Variants in SLC8A2 observed in about 807,000 individuals in gnomAD.
SLC8A2 encodes sodium/calcium exchanger 2.
A neutral mutation model predicts 70.2 loss-of-function variants in SLC8A2; 14 were observed. The observed-to-expected ratio is 0.20, with a 90% CI of 0.13 to 0.31. SLC8A2 has a LOEUF of 0.31. Among genes scored for constraint, SLC8A2 ranks in the 10% least tolerant of loss-of-function variants. SLC8A2 has a pLI of 1.00. For synonymous variants in SLC8A2, 575 were observed against 594.3 expected (o/e 0.97, Z 0.47); for missense variants, 779 against 1,320.1 (o/e 0.59, Z 6.35).
intron 4 of SLC8A2, among the ~76,000 whole-genome samples, chr19:47,446,183 G>T (rs747583156): frequency 3.9e-5 from 6 of 151,968 alleles, no homozygotes; most frequent in Non-Finnish European, 8.8e-5. Context: ...GACTCCGCTT[G>T]AGTAGGAGGC....
At position 47,448,840 on chromosome 19, in the gene SLC8A2, T is replaced by C. The variant is rs1374696140; in HGVS notation, c.1341-609A>G. ...CTTCCCAGATGCCCCCAAGAGGAAG[T>C]CCATACACCTTAACTTGGCATCACT... is the stretch of plus-strand genomic sequence containing the variant. On this transcript the variant is annotated intron_variant, in intron 3 of 9. Transcript: ENST00000236877. The surrounding 1 kb of genome is among the most constrained non-coding windows in gnomAD (Gnocchi z 4.8). Among the ~76,000 whole-genome samples, 1 of 152,078 alleles carries C rather than the reference T, an allele frequency of 6.6e-6. No homozygotes were observed. The highest frequency in any genetic ancestry group is 1.5e-5 in the Non-Finnish European group (1 of 68,030).
intron 4 of SLC8A2, among the ~76,000 whole-genome samples, chr19:47,445,315 G>C (rs761108334): frequency 6.6e-6 from 1 of 152,112 alleles, no homozygotes; most frequent in African/African-American, 2.4e-5. Context: ...CATCATATTG[G>C]TCAGGCTGGT....
intron 2 of SLC8A2, among the ~76,000 whole-genome samples, chr19:47,457,916 A>AAACCTTG (rs1414202326): frequency 1.1e-4 from 16 of 150,896 alleles, no homozygotes; most frequent in African/African-American, 3.7e-4. Context: ...TCGGCTCACT[A>AAACCTTG]AACCTTGAAC....
chr19:47,451,607 C>T (rs1330151827), intron 3 of SLC8A2, among the ~76,000 whole-genome samples: 1 of 152,254 alleles, frequency 6.6e-6, no homozygotes. Context: ...CTGCATACAT[C>T]CTGTAGCATC....
At chr19:47,460,616 G>C (rs1180904549) in intron 2 of SLC8A2, among the ~76,000 whole-genome samples, 1 of 151,886 alleles carries the variant, frequency 6.6e-6, no homozygotes, top group Non-Finnish European at 1.5e-5. Flanking sequence ...AGAATTGCTT[G>C]AGCCCAGGAG....
In SLC8A2 at chr19:47,448,915, G is replaced by A. The variant is rs963722831; in HGVS notation, c.1341-684C>T. Reference sequence around the variant, plus strand: ...GGGCACCCGTTGTGTGCCTTGTGCCGAGTGGTGCTGGGGACACAGCAGTAA... The same window carrying A: ...GGGCACCCGTTGTGTGCCTTGTGCCAAGTGGTGCTGGGGACACAGCAGTAA... On this transcript the variant is annotated intron_variant, in intron 3 of 9. Coordinates refer to ENST00000236877, the MANE Select transcript of SLC8A2 (RefSeq NM_015063.3). The surrounding 1 kb of genome is among the most constrained non-coding windows in gnomAD (Gnocchi z 4.8). 3.3e-5 allele frequency among the ~76,000 whole-genome samples: 5 copies of A among 152,262 alleles called. No individual in the cohort carries two copies. Among genetic ancestry groups the A allele is most frequent in the African/African-American group, 4.8e-5 (2 of 41,550 alleles).
chr19:47,431,657 CAAA>C (rs774813485), intron 9 of SLC8A2, among the ~76,000 whole-genome samples: 7 of 47,282 alleles, frequency 1.5e-4, no homozygotes, highest in South Asian at 1.0e-3. Flanking sequence ...GTCCCCACAC[CAAA>C]AAAAAAAAAA....
At position 47,432,606 on chromosome 19, in the gene SLC8A2, T is replaced by C; in HGVS notation, c.2111-161A>G. The C allele has an allele frequency of 1.6e-6, 1 of 623,748 alleles. No homozygotes were observed. The highest frequency in any genetic ancestry group is 2.6e-6 in the Non-Finnish European group (1 of 380,464). 38.6% of individuals were successfully genotyped at this position (623,748 alleles called of 1,614,324 possible). ...GGCCAAGTCAACTGCTAAAAACAGT[T>C]ACTTTCCCAGAATCCCTTGAAGCTA... is the stretch of plus-strand genomic sequence containing the variant. On this transcript the variant is annotated intron_variant, in intron 8 of 9. Transcript: ENST00000236877. The surrounding 1 kb of genome is among the most constrained non-coding windows in gnomAD (Gnocchi z 6.2).
chr19:47,433,541 G>C (rs1966989243), intron 8 of SLC8A2, among the ~76,000 whole-genome samples: 1 of 152,232 alleles, frequency 6.6e-6, no homozygotes, highest in Non-Finnish European at 1.5e-5. Flanking sequence ...TGGCTTTCCT[G>C]ATGTGGGCAT....
Position 47,429,772 on chromosome 19 carries a change from T to G in SLC8A2, c.*317A>C. On this transcript the variant is annotated 3_prime_UTR_variant, in exon 10 of 10. Coordinates refer to ENST00000236877, the MANE Select transcript of SLC8A2 (RefSeq NM_015063.3). ...AGAGACCTTAAACTCCCCAGGATGGTTACTGGGGGTGGTTCCCTGGGGAGG... is the reference window on the plus strand; with the variant it reads ...AGAGACCTTAAACTCCCCAGGATGGGTACTGGGGGTGGTTCCCTGGGGAGG... The G allele has an allele frequency of 2.4e-6, 1 of 410,792 alleles. No homozygotes were observed. 25.4% of individuals were successfully genotyped at this position (410,792 alleles called of 1,614,324 possible).
intron 3 of SLC8A2, among the ~76,000 whole-genome samples, chr19:47,450,586 G>A (rs557993187): frequency 2.6e-5 from 4 of 152,220 alleles, no homozygotes; most frequent in South Asian, 2.1e-4. Context: ...GAGAGGGACC[G>A]CAAGGTTCTG....
intron 3 of SLC8A2, among the ~76,000 whole-genome samples, chr19:47,456,581 G>A (rs1967305772): frequency 6.6e-6 from 1 of 152,140 alleles, no homozygotes; most frequent in African/African-American, 2.4e-5. Flanking sequence ...CACGAGAATC[G>A]CTTGAACCTG....
Position 47,447,606 on chromosome 19 carries a change from G to T in SLC8A2, c.1763+203C>A. On this transcript the variant is annotated intron_variant, in intron 4 of 9. Coordinates refer to ENST00000236877, the MANE Select transcript of SLC8A2 (RefSeq NM_015063.3). The surrounding 1 kb of genome is among the most constrained non-coding windows in gnomAD (Gnocchi z 5.1). Reference sequence around the variant, plus strand: ...CCTCCTGAGGGCCCAGCTGTTCAGTGAAGCCCCGCCCACGTCGTGGGCATG... The same window carrying T: ...CCTCCTGAGGGCCCAGCTGTTCAGTTAAGCCCCGCCCACGTCGTGGGCATG... 9.3e-6 allele frequency: 5 copies of T among 538,536 alleles called. No individual in the cohort carries two copies. The highest frequency in any genetic ancestry group is 1.6e-5 in the Non-Finnish European group (5 of 313,070). The allele number at this position is 538,536 out of a possible 1,614,324, so 33.4% of individuals were successfully genotyped here.
Position 47,466,587 on chromosome 19 carries a change from C to CAG in SLC8A2, c.-16-170_-16-169dup, listed in dbSNP as rs10611886. Among the ~76,000 whole-genome samples the CAG allele has an allele frequency of 3.4e-3, 516 of 151,114 alleles. 4 individuals carry two copies. Among genetic ancestry groups the CAG allele is most frequent in the African/African-American group, 0.012 (490 of 41,170 alleles). On this transcript the variant is annotated intron_variant, in intron 1 of 9. Coordinates refer to ENST00000236877, the MANE Select transcript of SLC8A2 (RefSeq NM_015063.3). This position sits in a 1 kb window ranked among gnomAD's most constrained non-coding sequence, Gnocchi z 6.9. ...ACAGAGAGTGACAGACAGAGACCCA[C>CAG]AGAGAGAGAGAGAGACTGAAAGATA...
At chr19:47,462,961 G>A (rs1967414084) in intron 2 of SLC8A2, among the ~76,000 whole-genome samples, 1 of 151,930 alleles carries the variant, frequency 6.6e-6, no homozygotes, top group Non-Finnish European at 1.5e-5. Flanking sequence ...TAAATCTCGT[G>A]GCTACCTGCT....
In SLC8A2 at chr19:47,430,871, G is replaced by A. The variant is rs1191585825; in HGVS notation, c.2390-406C>T. Among the ~76,000 whole-genome samples the A allele has an allele frequency of 2.0e-5, 3 of 151,914 alleles. No homozygotes were observed. The highest frequency in any genetic ancestry group is 1.3e-4 in the Admixed American group (2 of 15,242). On this transcript the variant is annotated intron_variant, in intron 9 of 9. Coordinates refer to ENST00000236877, the MANE Select transcript of SLC8A2 (RefSeq NM_015063.3). The surrounding 1 kb of genome is among the most constrained non-coding windows in gnomAD (Gnocchi z 5.9). Reference sequence around the variant, plus strand: ...CCTCTGAGTAGCTGGGATTACAGGCGCCCACCACGCCCTGCTAAGATTTTG... The same window carrying A: ...CCTCTGAGTAGCTGGGATTACAGGCACCCACCACGCCCTGCTAAGATTTTG...
In SLC8A2 at chr19:47,429,751, AC is replaced by A; in HGVS notation, c.*337del. 1 of 310,826 alleles carries A rather than the reference AC, an allele frequency of 3.2e-6. No homozygotes were observed. The highest frequency in any genetic ancestry group is 5.9e-6 in the Non-Finnish European group (1 of 168,212). The allele number at this position is 310,826 out of a possible 1,614,324, so 19.3% of individuals were successfully genotyped here. A position where few individuals can be genotyped will look rare whatever the true frequency, so the allele number is the denominator to read the frequency against. On this transcript the variant is annotated 3_prime_UTR_variant, in exon 10 of 10. Coordinates refer to ENST00000236877, the MANE Select transcript of SLC8A2 (RefSeq NM_015063.3). ...CCAGGCTGGGTGACCAAGGAGAGAGACCTTAAACTCCCCAGGATGGTTACTG... is the reference window on the plus strand; with the variant it reads ...CCAGGCTGGGTGACCAAGGAGAGAGACTTAAACTCCCCAGGATGGTTACTG...
At chr19:47,439,460 G>A (rs1035995062) in intron 6 of SLC8A2, among the ~76,000 whole-genome samples, 3 of 152,090 alleles carry the variant, frequency 2.0e-5, no homozygotes, top group Non-Finnish European at 4.4e-5. Flanking sequence ...TGAACCCCGG[G>A]GGGTGGAGGT....
rs1056137817 is a variant in SLC8A2 at position 47,430,668 on chromosome 19, T to G, written c.2390-203A>C. Among the ~76,000 whole-genome samples the G allele has an allele frequency of 4.6e-5, 7 of 152,242 alleles. No homozygotes were observed. The highest frequency in any genetic ancestry group is 1.7e-4 in the African/African-American group (7 of 41,468). On this transcript the variant is annotated intron_variant, in intron 9 of 9. Transcript: ENST00000236877. The surrounding 1 kb of genome is among the most constrained non-coding windows in gnomAD (Gnocchi z 5.9). ...CACTGGAACCGCTGCCGGCTTTCTA[T>G]GGGACCTGCCGCCTGCTTTCTGTGG...
Sources: gnomAD v4.1 joint callset for allele counts (sites outside exome capture counted in the v4.1 genomes callset) on GRCh38, gnomAD v4.1.1 for gene constraint, Gnocchi (gnomAD v3.1) non-coding constraint, MANE v1.5 for transcripts, NCBI Gene and HGNC (gene_info 2026-07-23, HGNC 2026-07-21) for gene names.